The following BCLAF3 variants were observed in gnomAD, a reference collection of about 807,000 sequenced individuals.
The protein encoded by BCLAF3 is transient octamer binding factor 1.
BCLAF3 carries 24 observed loss-of-function variants against 51.2 expected under a neutral mutation model. The observed-to-expected ratio is 0.47, with a 90% CI of 0.34 to 0.66. The LOEUF (loss-of-function observed/expected upper bound fraction) is 0.66. BCLAF3 is among the 30% of genes least tolerant of loss of function. BCLAF3 has a pLI of 0.01. For missense variants in BCLAF3, 465 were observed against 525.1 expected, an observed-to-expected ratio of 0.89 and a Z score of 1.12; for synonymous variants, 152 against 176.6, an observed-to-expected ratio of 0.86 and a Z score of 1.10.
In BCLAF3 at chrX:19,954,050, C is replaced by T. The variant is rs186901696; in HGVS notation, c.1451-158G>A. On this transcript the variant is annotated intron_variant, in intron 5 of 11. Coordinates refer to ENST00000379682, the MANE Select transcript of BCLAF3 (RefSeq NM_001367774.2). ...ACTTATTTCACAGACTAATTTGTAG[C>T]GCTCACGTGCCTTCCCAAGCCCAAA... 2.7e-4 allele frequency: 206 copies of T among 752,437 alleles called. No homozygotes were observed. The South Asian group carries it at 0.01, about 37-fold the overall frequency. 62.0% of individuals were successfully genotyped at this position (752,437 alleles called of 1,213,427 possible).
intron 1 of BCLAF3, among the ~76,000 whole-genome samples, chrX:19,981,485 GAAATGTA>G (rs1272837750): frequency 8.9e-6 from 1 of 112,009 alleles, no homozygotes; most frequent in Non-Finnish European, 1.9e-5. Context: ...ATTCCTGGTA[GAAATGTA>G]AAATAGAGTA....
intron 11 of BCLAF3, chrX:19,918,118 T>A (rs1178828450): frequency 8.9e-6 from 1 of 112,017 alleles, no homozygotes; most frequent in Non-Finnish European, 1.9e-5. Context: ...AATGTAAAAG[T>A]TGATTTATTT....
At chrX:19,936,341 G>C (rs1340057391) in intron 9 of BCLAF3, among the ~76,000 whole-genome samples, 1 of 111,889 alleles carries the variant, frequency 8.9e-6, no homozygotes, top group East Asian at 2.8e-4. Context: ...GATCTGAGGT[G>C]ATGCTCTTGC....
intron 4 of BCLAF3, among the ~76,000 whole-genome samples, chrX:19,959,932 A>G (rs1196565277): frequency 2.7e-5 from 3 of 110,562 alleles, no homozygotes; most frequent in Non-Finnish European, 5.7e-5. Context: ...ATTAGTTGGG[A>G]CTATAAGTGT....
intron 10 of BCLAF3, among the ~76,000 whole-genome samples, chrX:19,934,835 A>G (rs1418549673): frequency 8.9e-6 from 1 of 112,130 alleles, no homozygotes; most frequent in Non-Finnish European, 1.9e-5. Context: ...TACAGGCAAG[A>G]AACTGTCAAA....
chrX:19,953,489 A>G (rs1361374623), intron 6 of BCLAF3, among the ~76,000 whole-genome samples: 1 of 112,193 alleles, frequency 8.9e-6, no homozygotes, highest in Non-Finnish European at 1.9e-5. Context: ...TGAGGACCTC[A>G]GGAAGCAATT....
intron 10 of BCLAF3, chrX:19,935,363 C>T (rs965011961): frequency 6.1e-5 from 7 of 114,109 alleles, no homozygotes; most frequent in African/African-American, 2.3e-4. Context: ...GCTACCTGGA[C>T]CAGAATCTTC....
At chrX:19,978,669 T>C (rs1195700164) in intron 1 of BCLAF3, among the ~76,000 whole-genome samples, 3 of 111,848 alleles carry the variant, frequency 2.7e-5, no homozygotes, top group African/African-American at 9.8e-5. Context: ...AGTAGCAGGG[T>C]TTGACAGGTT....
rs766620308 is a variant in BCLAF3 at position 19,916,999 on chromosome X, G to A, written c.*306C>T. ...CATATAAACGTCTGAATATTACTTG[G>A]TGAAGTTCTCTCTATGAAACCATGC... On this transcript the variant is annotated 3_prime_UTR_variant, in exon 12 of 12. Coordinates refer to ENST00000379682, the MANE Select transcript of BCLAF3 (RefSeq NM_001367774.2). 1.1e-5 allele frequency: 3 copies of A among 271,481 alleles called. No individual in the cohort carries two copies. The highest frequency in any genetic ancestry group is 1.6e-4 in the East Asian group (2 of 12,670). The allele number at this position is 271,481 out of a possible 1,213,427, so 22.4% of individuals were successfully genotyped here.
intron 4 of BCLAF3, among the ~76,000 whole-genome samples, chrX:19,959,157 C>T (rs1250440305): frequency 8.9e-6 from 1 of 112,334 alleles, no homozygotes; most frequent in Non-Finnish European, 1.9e-5. Context: ...CCATTGTTAA[C>T]CTGTAAATAT....
At chrX:19,937,005 C>T (rs894545128) in intron 9 of BCLAF3, among the ~76,000 whole-genome samples, 12 of 111,346 alleles carry the variant, frequency 1.1e-4, no homozygotes, top group Non-Finnish European at 1.9e-4. Context: ...AAGTGTTGTT[C>T]CCAAAAAATC....
At chrX:19,985,895 T>G (rs2072784817) in intron 1 of BCLAF3, among the ~76,000 whole-genome samples, 1 of 111,231 alleles carries the variant, frequency 9.0e-6, no homozygotes, top group African/African-American at 3.3e-5. Flanking sequence ...TACAGTGAGC[T>G]GAGACAATGC....
intron 11 of BCLAF3, among the ~76,000 whole-genome samples, chrX:19,919,272 C>T (rs1342885261): frequency 8.9e-6 from 1 of 112,150 alleles, no homozygotes; most frequent in African/African-American, 3.2e-5. Context: ...CCATTCCTAC[C>T]ATATTGATTT....
chrX:19,932,525 ATTTTTTTT>A (rs58949658), intron 10 of BCLAF3, among the ~76,000 whole-genome samples: 2 of 77,440 alleles, frequency 2.6e-5, no homozygotes, highest in Admixed American at 1.5e-4. Context: ...ACAAGTCAAG[ATTTTTTTT>A]TTTTTTTTTT....
At chrX:19,926,109 T>C (rs1386492058) in intron 11 of BCLAF3, among the ~76,000 whole-genome samples, 1 of 111,450 alleles carries the variant, frequency 9.0e-6, no homozygotes, top group Non-Finnish European at 1.9e-5. Context: ...TCAAAGTGGC[T>C]GCAATAGAAA....
chrX:19,950,327 T>C (rs760462762), intron 8 of BCLAF3, among the ~76,000 whole-genome samples: 11 of 112,089 alleles, frequency 9.8e-5, no homozygotes, highest in African/African-American at 2.9e-4. Flanking sequence ...TTATCCAGTA[T>C]AGACATCCAC....
chrX:19,955,975 T>C (rs1406997883), intron 4 of BCLAF3, among the ~76,000 whole-genome samples: 2 of 112,320 alleles, frequency 1.8e-5, no homozygotes, highest in Non-Finnish European at 3.8e-5. Flanking sequence ...TAAAAGCTGA[T>C]ATCAAACATA....
At chrX:19,952,879 C>T in intron 7 of BCLAF3, 109 bp downstream of exon 7, 1 of 537,469 alleles carries the variant, frequency 1.9e-6, no homozygotes, top group East Asian at 3.7e-5. Flanking sequence ...GGGTTTCAAT[C>T]CTCCTTCTTC....
At chrX:19,925,505 T>C (rs1421877959) in intron 11 of BCLAF3, among the ~76,000 whole-genome samples, 2 of 111,529 alleles carry the variant, frequency 1.8e-5, no homozygotes, top group Non-Finnish European at 3.8e-5. Context: ...GTCTAGGTGG[T>C]GGTCTAATAA....
Sources: gnomAD v4.1 joint callset for allele counts (sites outside exome capture counted in the v4.1 genomes callset) on GRCh38, gnomAD v4.1.1 for gene constraint, MANE v1.5 for transcripts, NCBI Gene and HGNC (gene_info 2026-07-23, HGNC 2026-07-21) for gene names.